DDIAS: variants seen among roughly 807,000 people sequenced by gnomAD.
The protein encoded by DDIAS is DNA damage induced apoptosis suppressor, also known as DNA damage-induced apoptosis suppressor protein.
A neutral mutation model predicts 15.7 loss-of-function variants in DDIAS; 14 were observed. The observed-to-expected ratio is 0.89, with a 90% CI of 0.59 to 1.39. The LOEUF is 1.39. DDIAS is among the 40% of genes most tolerant of loss of function. The probability of loss-of-function intolerance (pLI) is 0.00; values close to 1 mark genes in which losing one functional copy is unlikely to be tolerated. For synonymous variants in DDIAS, 355 were observed against 395.9 expected, an observed-to-expected ratio of 0.90 and a Z score of 1.23; for missense variants, 1,035 against 1,130.9, an observed-to-expected ratio of 0.92 and a Z score of 1.22.
At position 82,931,898 on chromosome 11, in the gene DDIAS, CTT is replaced by C; in HGVS notation, c.563_564del (p.Phe188Ter). The C allele has an allele frequency of 6.2e-7, 1 of 1,614,168 alleles. No individual in the cohort carries two copies. On this transcript the variant is annotated frameshift_variant, in exon 6 of 6. Transcript: ENST00000533655. LOFTEE classifies it low-confidence loss of function (END_TRUNC). ...GACTACTTCCATCAACTTTTGCAGA[CTT>C]TTAATTTCAGGAAACTTCAGTGTGA...
intron 5 of DDIAS, among the ~76,000 whole-genome samples, chr11:82,930,542 T>C (rs1025876548): frequency 1.6e-4 from 25 of 152,228 alleles, no homozygotes; most frequent in African/African-American, 5.5e-4. Flanking sequence ...GATATTTGTT[T>C]TTGGTATTTA....
chr11:82,912,795 TTCTG>T (rs1860552727), intron 1 of DDIAS, among the ~76,000 whole-genome samples: 5 of 152,336 alleles, frequency 3.3e-5, no homozygotes, highest in African/African-American at 9.6e-5. Context: ...TAATTTTTGT[TTCTG>T]TCTTTTATTT....
intron 1 of DDIAS, among the ~76,000 whole-genome samples, chr11:82,904,990 G>C (rs1041046517): frequency 6.6e-6 from 1 of 152,076 alleles, no homozygotes; most frequent in Non-Finnish European, 1.5e-5. Flanking sequence ...GTAATTTTTC[G>C]TGGTAAATTA....
In DDIAS at chr11:82,933,077, G is replaced by A; in HGVS notation, c.1739G>A (p.Cys580Tyr). Residue 580 changes from cysteine to tyrosine, a missense_variant, in exon 6 of 6, where the codon TGT becomes TAT. Transcript: ENST00000533655. ...CTAAATAACAAATATTTGAATGGAT[G>A]TGGAGAAATATCAGTTTCAGAAATG... is the stretch of plus-strand genomic sequence containing the variant. ...SSLNNKYLNG[C>Y]GEISVSEMNE... The A allele has an allele frequency of 1.2e-6, 2 of 1,602,838 alleles. No individual in the cohort carries two copies. Among genetic ancestry groups the A allele is most frequent in the South Asian group, 1.1e-5 (1 of 90,226 alleles).
Position 82,933,053 on chromosome 11 carries a change from T to G in DDIAS, c.1715T>G (p.Leu572Arg). 1 of 1,604,288 alleles carries G rather than the reference T, an allele frequency of 6.2e-7. No homozygotes were observed. Among genetic ancestry groups the G allele is most frequent in the Non-Finnish European group, 8.5e-7 (1 of 1,178,658 alleles). ...CACAGGGAGAGTGACCATTCTAGTC[T>G]AAATAACAAATATTTGAATGGATGT... ...SPHRESDHSSLNNKYLNGCGE... is the reference protein window; with the variant it reads ...SPHRESDHSSRNNKYLNGCGE... Residue 572 changes from leucine to arginine, a missense_variant, in exon 6 of 6, where the codon CTA becomes CGA. Leu to Arg is a moderately radical substitution (Grantham distance 102). Coordinates refer to ENST00000533655, the MANE Select transcript of DDIAS (RefSeq NM_145018.4).
In DDIAS at chr11:82,918,921, C is replaced by T. The variant is rs1371579216; in HGVS notation, c.113+4070C>T. Reference sequence around the variant, plus strand: ...TGGTTGCTGTTAGTGTATAGAAGAGCTACTGATTTGTGTACATTAATCTTG... The same window carrying T: ...TGGTTGCTGTTAGTGTATAGAAGAGTTACTGATTTGTGTACATTAATCTTG... On this transcript the variant is annotated intron_variant, in intron 3 of 5. Transcript: ENST00000533655. Among the ~76,000 whole-genome samples the T allele has an allele frequency of 2.6e-5, 4 of 152,238 alleles. No individual in the cohort carries two copies. The East Asian group carries it at 7.7e-4, about 29-fold the overall frequency.
intron 1 of DDIAS, among the ~76,000 whole-genome samples, chr11:82,907,391 A>C (rs113435535): frequency 1.6e-3 from 239 of 152,364 alleles, no homozygotes; most frequent in Non-Finnish European, 2.5e-3. Context: ...TGGTGTAGAA[A>C]AAAAGAAAAG....
In DDIAS at chr11:82,933,918, T is replaced by TA. The variant is rs1205134144; in HGVS notation, c.2581dup (p.Ser861LysfsTer2). On this transcript the variant is annotated frameshift_variant, in exon 6 of 6. Transcript: ENST00000533655. LOFTEE classifies it low-confidence loss of function (END_TRUNC). ...CTTTTGCTGAGTGCCATGAAACTGA[T>TA]AGTGATGAATGGGTCCCTCCTACCA... 1 of 1,613,328 alleles carries TA rather than the reference T, an allele frequency of 6.2e-7. No individual in the cohort carries two copies. Among genetic ancestry groups the TA allele is most frequent in the South Asian group, 1.1e-5 (1 of 90,790 alleles).
chr11:82,927,151 C>G (rs1344405948), intron 3 of DDIAS, among the ~76,000 whole-genome samples: 1 of 152,160 alleles, frequency 6.6e-6, no homozygotes, highest in Non-Finnish European at 1.5e-5. Context: ...AAACTGAATG[C>G]TAATGCATAT....
intron 1 of DDIAS, among the ~76,000 whole-genome samples, chr11:82,911,541 A>C (rs947764802): frequency 1.3e-5 from 2 of 152,184 alleles, no homozygotes; most frequent in African/African-American, 2.4e-5. Flanking sequence ...TCCACTTTTT[A>C]ATTCTAGATC....
chr11:82,926,731 A>G (rs11233379), intron 3 of DDIAS, among the ~76,000 whole-genome samples: 7,138 of 152,284 alleles, frequency 0.047, 262 homozygotes, highest in South Asian at 0.13. Flanking sequence ...GATGATTTGT[A>G]TACATATTAA....
intron 3 of DDIAS, among the ~76,000 whole-genome samples, chr11:82,924,550 C>T (rs756690769): frequency 6.6e-6 from 1 of 152,102 alleles, no homozygotes; most frequent in Non-Finnish European, 1.5e-5. Flanking sequence ...CATAGTAGCT[C>T]ATGCCTGCAA....
chr11:82,905,843 G>C (rs72946766), intron 1 of DDIAS, among the ~76,000 whole-genome samples: 3,414 of 152,320 alleles, frequency 0.022, 74 homozygotes, highest in East Asian at 0.092. Context: ...ATGGTTTGCT[G>C]TGATGGAGCT....
At chr11:82,908,953 T>C (rs1034088334) in intron 1 of DDIAS, among the ~76,000 whole-genome samples, 1 of 152,224 alleles carries the variant, frequency 6.6e-6, no homozygotes, top group African/African-American at 2.4e-5. Context: ...CTTGGGTCAC[T>C]TACTCTATTT....
chr11:82,907,979 A>T (rs556598734), intron 1 of DDIAS, among the ~76,000 whole-genome samples: 68 of 152,344 alleles, frequency 4.5e-4, no homozygotes, highest in African/African-American at 1.4e-3. Context: ...AACAAAAATA[A>T]GTAAGCAAAG....
At chr11:82,925,436 A>G (rs1234842155) in intron 3 of DDIAS, among the ~76,000 whole-genome samples, 1 of 152,264 alleles carries the variant, frequency 6.6e-6, no homozygotes, top group South Asian at 2.1e-4. Flanking sequence ...CATCTCTACA[A>G]AAAAATTTAA....
At chr11:82,929,299 G>A (rs2121363406) in intron 4 of DDIAS, among the ~76,000 whole-genome samples, 1 of 152,212 alleles carries the variant, frequency 6.6e-6, no homozygotes, top group African/African-American at 2.4e-5. Flanking sequence ...TCTATTTGAG[G>A]GAATATTTGC....
In DDIAS at chr11:82,932,032, A is replaced by T; in HGVS notation, c.694A>T (p.Lys232Ter). Reference protein sequence around the residue: ...STSDFFKSCSKDTFSKFWQPS... With the variant: ...STSDFFKSCS ...TTCTGATTTTTTCAAGTCCTGCAGC[A>T]AGGATACTTTTTCAAAATTCTGGCA... The change falls in exon 6 of 6, where the codon AAG (lysine) becomes TAG (stop). Residue 232 changes from lysine to a stop codon, truncating the protein, a stop_gained. Transcript: ENST00000533655. LOFTEE classifies it low-confidence loss of function (END_TRUNC). 6.2e-7 allele frequency: 1 copy of T among 1,614,148 alleles called. No homozygotes were observed. Among genetic ancestry groups the T allele is most frequent in the African/African-American group, 1.3e-5 (1 of 75,056 alleles).
At chr11:82,902,125 A>G (rs937749363) in intron 1 of DDIAS, among the ~76,000 whole-genome samples, 1 of 152,196 alleles carries the variant, frequency 6.6e-6, no homozygotes, top group African/African-American at 2.4e-5. Context: ...TGCTTCTGTA[A>G]TGTGCAAATA....
Sources: gnomAD v4.1 joint callset for allele counts (sites outside exome capture counted in the v4.1 genomes callset) on GRCh38, gnomAD v4.1.1 for gene constraint, MANE v1.5 for transcripts, NCBI Gene and HGNC (gene_info 2026-07-23, HGNC 2026-07-21) for gene names.